VTI1A: variants seen among roughly 807,000 people sequenced by gnomAD.
VTI1A encodes the protein vesicle transport through interaction with t-SNAREs 1A, also known as vesicle transport through interaction with t-SNAREs homolog 1A.
A neutral mutation model predicts 34.9 loss-of-function variants in VTI1A; 22 were observed. The ratio of observed to expected loss-of-function variants is 0.63; its 90% CI spans 0.45 to 0.90. The LOEUF is 0.90. Ranked by LOEUF, VTI1A falls within the 40% of genes least tolerant of loss-of-function variation. The pLI is 0.00. For synonymous variants in VTI1A, 87 were observed against 97.3 expected, an observed-to-expected ratio of 0.89 and a Z score of 0.62; for missense variants, 268 against 275.6, an observed-to-expected ratio of 0.97 and a Z score of 0.20.
chr10:112,606,946 C>T (rs1460032126), intron 5 of VTI1A, among the ~76,000 whole-genome samples: 3 of 152,126 alleles, frequency 2.0e-5, no homozygotes, highest in Non-Finnish European at 4.4e-5. Flanking sequence ...TTCTCATCCT[C>T]GCAGCAACCC....
At chr10:112,763,167 G>A (rs1172679141) in intron 7 of VTI1A, among the ~76,000 whole-genome samples, 1 of 152,048 alleles carries the variant, frequency 6.6e-6, no homozygotes, top group Non-Finnish European at 1.5e-5. Context: ...GCTCACACCT[G>A]TAATCCCAAA....
intron 5 of VTI1A, among the ~76,000 whole-genome samples, chr10:112,658,235 G>GC (rs1218120528): frequency 6.6e-6 from 1 of 152,022 alleles, no homozygotes; most frequent in East Asian, 1.9e-4. Context: ...CCACAGGCAT[G>GC]CCCCACCACG....
At chr10:112,470,364 A>G (rs1218633847) in intron 3 of VTI1A, among the ~76,000 whole-genome samples, 1 of 152,222 alleles carries the variant, frequency 6.6e-6, no homozygotes, top group African/African-American at 2.4e-5. Context: ...GCGTAAGTAC[A>G]GGGGCCACAC....
chr10:112,739,512 G>A (rs75104663), intron 7 of VTI1A, among the ~76,000 whole-genome samples: 1 of 152,170 alleles, frequency 6.6e-6, no homozygotes, highest in Non-Finnish European at 1.5e-5. Flanking sequence ...CATGTTAAGA[G>A]ACTTAACAGA....
intron 3 of VTI1A, among the ~76,000 whole-genome samples, chr10:112,507,805 C>G (rs746544814): frequency 2.6e-5 from 4 of 152,172 alleles, no homozygotes; most frequent in Non-Finnish European, 5.9e-5. Context: ...AGATCCTAAT[C>G]TATTGTGCCA....
chr10:112,657,519 T>C (rs914976691), intron 5 of VTI1A, among the ~76,000 whole-genome samples: 3 of 152,184 alleles, frequency 2.0e-5, no homozygotes, highest in African/African-American at 7.2e-5. Context: ...CAGTAACTTC[T>C]TCCAGATGAG....
intron 7 of VTI1A, among the ~76,000 whole-genome samples, chr10:112,703,008 C>G (rs1849065939): frequency 6.6e-6 from 1 of 152,088 alleles, no homozygotes; most frequent in Non-Finnish European, 1.5e-5. Context: ...CAGTAGTGAT[C>G]TGATTTTTTT....
chr10:112,709,177 TC>T (rs1314361837), intron 7 of VTI1A, among the ~76,000 whole-genome samples: 1 of 152,240 alleles, frequency 6.6e-6, no homozygotes, highest in Non-Finnish European at 1.5e-5. Context: ...TCATTTCATT[TC>T]AGTCACCATT....
At chr10:112,725,834 A>G (rs1028583300) in intron 7 of VTI1A, among the ~76,000 whole-genome samples, 2 of 152,118 alleles carry the variant, frequency 1.3e-5, no homozygotes, top group African/African-American at 4.8e-5. Flanking sequence ...TTGGACTTTT[A>G]TCTATTTTAT....
intron 3 of VTI1A, among the ~76,000 whole-genome samples, chr10:112,520,643 GTGTGTATA>G (rs985945777): frequency 7.3e-5 from 8 of 110,098 alleles, no homozygotes; most frequent in East Asian, 7.7e-4. Flanking sequence ...GTGTGTGTGT[GTGTGTATA>G]TATATATATA....
intron 7 of VTI1A, among the ~76,000 whole-genome samples, chr10:112,742,844 T>C (rs182579068): frequency 5.4e-4 from 83 of 152,334 alleles, no homozygotes; most frequent in African/African-American, 2.0e-3. Flanking sequence ...AAAGCTATGA[T>C]AAATGAACAG....
chr10:112,458,702 T>C (rs1033853588), intron 1 of VTI1A, among the ~76,000 whole-genome samples: 65 of 152,000 alleles, frequency 4.3e-4, no homozygotes, highest in African/African-American at 1.6e-3. Context: ...AGTCCCGCAC[T>C]GTTGCCCAGG....
chr10:112,559,641 T>C (rs573510544), intron 5 of VTI1A, among the ~76,000 whole-genome samples: 1 of 152,258 alleles, frequency 6.6e-6, no homozygotes, highest in African/African-American at 2.4e-5. Context: ...CAGTGGATTA[T>C]CTCTTTATCA....
At chr10:112,451,807 C>G (rs1847249838) in intron 1 of VTI1A, among the ~76,000 whole-genome samples, 1 of 152,162 alleles carries the variant, frequency 6.6e-6, no homozygotes. Context: ...GGCTTTTGTT[C>G]ATGAATATTG....
chr10:112,829,142 T>C, the VTI1A span, among the ~76,000 whole-genome samples: 260 of 152,258 alleles, frequency 1.7e-3, no homozygotes, highest in Non-Finnish European at 3.0e-3. Context: ...GAAACATTGA[T>C]TTTTAAAAAT....
At chr10:112,819,073 A>G (rs1017735169), downstream of VTI1A, among the ~76,000 whole-genome samples, 4 of 152,258 alleles carry the variant, frequency 2.6e-5, no homozygotes, top group Non-Finnish European at 5.9e-5. Flanking sequence ...TGTAAGTTGT[A>G]TTCAAATGCA....
chr10:112,653,814 G>A (rs1408050123), intron 5 of VTI1A, among the ~76,000 whole-genome samples: 1 of 151,980 alleles, frequency 6.6e-6, no homozygotes, highest in Non-Finnish European at 1.5e-5. Flanking sequence ...TGTCCCCCAG[G>A]GTTTCAACCT....
chr10:112,660,063 C>G (rs1302948571), intron 5 of VTI1A, among the ~76,000 whole-genome samples: 1 of 152,154 alleles, frequency 6.6e-6, no homozygotes, highest in Non-Finnish European at 1.5e-5. Context: ...CTCTAGTTTT[C>G]TTATATGCTC....
At chr10:112,482,762 T>C (rs912432132) in intron 3 of VTI1A, among the ~76,000 whole-genome samples, 9 of 152,216 alleles carry the variant, frequency 5.9e-5, no homozygotes, top group African/African-American at 2.2e-4. Flanking sequence ...GTAATGTATT[T>C]CAAAGCTGGG....
Sources: allele counts gnomAD v4.1 joint callset (sites outside exome capture counted in the v4.1 genomes callset), GRCh38; gene constraint gnomAD v4.1.1; transcripts MANE v1.5; gene names NCBI Gene and HGNC (gene_info 2026-07-23, HGNC 2026-07-21).